Variants in WWOX observed in about 807,000 individuals in gnomAD.
WWOX encodes the protein WW domain-containing oxidoreductase.
Under a neutral mutation model 46.2 loss-of-function variants are expected in WWOX, and 69 were observed. That is an observed-to-expected ratio of 1.49 (90% confidence interval 1.23 to 1.82). The LOEUF (loss-of-function observed/expected upper bound fraction) is 1.82. WWOX is among the 40% of genes most tolerant of loss of function. WWOX has a pLI of 0.00. For synonymous variants in WWOX, 359 were observed against 202.6 expected (o/e 1.77, Z -6.56); for missense variants, 919 against 542.6 (o/e 1.69, Z -6.89).
At chr16:78,334,396 A>G (rs965350194) in intron 5 of WWOX, among the ~76,000 whole-genome samples, 6 of 152,228 alleles carry the variant, frequency 3.9e-5, no homozygotes, top group African/African-American at 9.7e-5. Context: ...GAATATAACA[A>G]CAGCGAACAA....
intron 8 of WWOX, among the ~76,000 whole-genome samples, chr16:78,887,668 A>G (rs1397763047): frequency 6.6e-6 from 1 of 152,196 alleles, no homozygotes; most frequent in Non-Finnish European, 1.5e-5. Flanking sequence ...TCCATAAAAT[A>G]GTGCATTTGA....
In WWOX at chr16:79,103,461, A is replaced by G. The variant is rs549776484; in HGVS notation, c.1057-108147A>G. 2.0e-5 allele frequency among the ~76,000 whole-genome samples: 3 copies of G among 152,242 alleles called. No homozygotes were observed. The South Asian group carries it at 6.2e-4, about 32-fold the overall frequency. ...CCACAAGGATTCACTCCTTCCTTGGATTTTGTGCCTCTTCCCCTGTTCCTG... is the reference window on the plus strand; with the variant it reads ...CCACAAGGATTCACTCCTTCCTTGGGTTTTGTGCCTCTTCCCCTGTTCCTG... On this transcript the variant is annotated intron_variant, in intron 8 of 8. Coordinates refer to ENST00000566780, the MANE Select transcript of WWOX (RefSeq NM_016373.4).
At chr16:79,115,710 A>G (rs988717225) in intron 8 of WWOX, among the ~76,000 whole-genome samples, 34 of 152,208 alleles carry the variant, frequency 2.2e-4, no homozygotes, top group Admixed American at 5.9e-4. Flanking sequence ...GCACTTTTAA[A>G]TAAGAGAAAA....
chr16:78,625,032 T>G (rs1233111068), intron 8 of WWOX, among the ~76,000 whole-genome samples: 1 of 152,156 alleles, frequency 6.6e-6, no homozygotes, highest in Non-Finnish European at 1.5e-5. Context: ...GAGCCTGTCT[T>G]TGGGAAGAGG....
chr16:78,213,643 A>G (rs961660339), intron 5 of WWOX, among the ~76,000 whole-genome samples: 17 of 152,088 alleles, frequency 1.1e-4, no homozygotes, highest in Admixed American at 1.0e-3. Context: ...AAGAACTGGC[A>G]TAGCACCTAG....
chr16:79,209,278 G>A (rs1033532766), intron 8 of WWOX, among the ~76,000 whole-genome samples: 1 of 152,194 alleles, frequency 6.6e-6, no homozygotes, highest in Non-Finnish European at 1.5e-5. Flanking sequence ...ATGGCATTCT[G>A]AATCAATGGG....
intron 8 of WWOX, among the ~76,000 whole-genome samples, chr16:78,943,668 T>C (rs1005992541): frequency 1.3e-5 from 2 of 152,110 alleles, no homozygotes; most frequent in African/African-American, 4.8e-5. Context: ...CAGAAGAGTG[T>C]AGGACACTGG....
At chr16:78,268,253 C>A (rs1172230079) in intron 5 of WWOX, among the ~76,000 whole-genome samples, 1 of 152,124 alleles carries the variant, frequency 6.6e-6, no homozygotes, top group East Asian at 1.9e-4. Flanking sequence ...AAAAAAGTAG[C>A]ATTCTATTTT....
chr16:78,946,753 G>C (rs1485376916), intron 8 of WWOX, among the ~76,000 whole-genome samples: 1 of 149,694 alleles, frequency 6.7e-6, no homozygotes, highest in African/African-American at 2.6e-5. Flanking sequence ...GGATGCAGTG[G>C]TCCACAGAAT....
intron 8 of WWOX, among the ~76,000 whole-genome samples, chr16:78,917,281 C>T (rs1262382936): frequency 2.0e-5 from 3 of 152,328 alleles, no homozygotes; most frequent in South Asian, 2.1e-4. Flanking sequence ...GTTCCCCTAA[C>T]TCAAATCAGA....
Position 78,627,414 on chromosome 16 carries a change from A to G in WWOX, c.1056+194662A>G, listed in dbSNP as rs746713093. ...GTTTTACCTGTGTCCTCTCTATACC[A>G]TAGTTTATGACAAGGGGTTTTCTGT... is the stretch of plus-strand genomic sequence containing the variant. On this transcript the variant is annotated intron_variant, in intron 8 of 8. Coordinates refer to ENST00000566780, the MANE Select transcript of WWOX (RefSeq NM_016373.4). Among the ~76,000 whole-genome samples the G allele has an allele frequency of 6.1e-4, 93 of 152,324 alleles. 1 individual carries two copies. Among genetic ancestry groups the G allele is most frequent in the Non-Finnish European group, 1.1e-3 (75 of 68,034 alleles).
chr16:78,202,791 G>GT (rs56741910), intron 5 of WWOX, among the ~76,000 whole-genome samples: 11 of 139,200 alleles, frequency 7.9e-5, no homozygotes, highest in Non-Finnish European at 1.7e-4. Flanking sequence ...GCAATTTTTT[G>GT]TTTTTTTCAT....
intron 5 of WWOX, among the ~76,000 whole-genome samples, chr16:78,249,761 G>A (rs1231382025): frequency 6.8e-6 from 1 of 147,256 alleles, no homozygotes; most frequent in Non-Finnish European, 1.5e-5. Flanking sequence ...CCCAAGAATT[G>A]AAAGCCTCAA....
intron 8 of WWOX, chr16:78,996,483 T>G: frequency 4.6e-6 from 1 of 216,288 alleles, no homozygotes; most frequent in Non-Finnish European, 7.9e-6. Context: ...TGGGTATGCA[T>G]TCATAATGAT....
chr16:78,581,442 G>A (rs1597301709), intron 8 of WWOX, among the ~76,000 whole-genome samples: 1 of 152,146 alleles, frequency 6.6e-6, no homozygotes, highest in Non-Finnish European at 1.5e-5. Context: ...TATTTTAATT[G>A]AGTTTTAAAG....
At chr16:79,182,934 A>C (rs2050941478) in intron 8 of WWOX, among the ~76,000 whole-genome samples, 1 of 152,196 alleles carries the variant, frequency 6.6e-6, no homozygotes, top group Non-Finnish European at 1.5e-5. Flanking sequence ...AAGTAGGCTG[A>C]GGGAGCTCTT....
chr16:78,778,545 C>T (rs143692000), intron 8 of WWOX, among the ~76,000 whole-genome samples: 69 of 152,254 alleles, frequency 4.5e-4, no homozygotes, highest in African/African-American at 1.5e-3. Context: ...GGTGAGTGTT[C>T]CAAGCTTCTC....
At chr16:78,634,528 A>C (rs1452807618) in intron 8 of WWOX, among the ~76,000 whole-genome samples, 1 of 151,962 alleles carries the variant, frequency 6.6e-6, no homozygotes, top group Non-Finnish European at 1.5e-5. Flanking sequence ...CAACATGGTG[A>C]AACCCCGTCT....
chr16:78,866,194 G>C (rs760095702), intron 8 of WWOX, among the ~76,000 whole-genome samples: 1 of 152,002 alleles, frequency 6.6e-6, no homozygotes, highest in Admixed American at 6.6e-5. Flanking sequence ...TGAAAACACC[G>C]AAGAATCCTT....
Sources: allele counts gnomAD v4.1 joint callset (sites outside exome capture counted in the v4.1 genomes callset), GRCh38; gene constraint gnomAD v4.1.1; transcripts MANE v1.5; gene names NCBI Gene and HGNC (gene_info 2026-07-23, HGNC 2026-07-21).